SUCLG2: variants seen among roughly 807,000 people sequenced by gnomAD.
SUCLG2 encodes the protein succinate-CoA ligase GDP-forming subunit beta.
SUCLG2 carries 42 observed loss-of-function variants against 47.9 expected under a neutral mutation model. That is an observed-to-expected ratio of 0.88 (90% confidence interval 0.69 to 1.14). SUCLG2 has a LOEUF of 1.14. SUCLG2 is among the 50% of genes most tolerant of loss of function. The pLI is 0.00. For missense variants in SUCLG2, 571 were observed against 525.9 expected (o/e 1.09, Z -0.84); for synonymous variants, 195 against 197.3 (o/e 0.99, Z 0.10).
chr3:67,427,569 A>T (rs1053585871), intron 9 of SUCLG2, among the ~76,000 whole-genome samples: 6 of 152,148 alleles, frequency 3.9e-5, no homozygotes, highest in Non-Finnish European at 7.3e-5. Context: ...GAGAAGGGTG[A>T]TTTCTCCATT....
At chr3:67,459,225 G>A (rs886706735) in intron 9 of SUCLG2, among the ~76,000 whole-genome samples, 7 of 152,102 alleles carry the variant, frequency 4.6e-5, no homozygotes, top group East Asian at 1.9e-4. Context: ...CCTGCTTGAC[G>A]AAGCACATTT....
chr3:67,580,554 A>T (rs1707856178), intron 2 of SUCLG2, among the ~76,000 whole-genome samples: 2 of 152,216 alleles, frequency 1.3e-5, no homozygotes. Flanking sequence ...TCCTCGGGGC[A>T]CTGGGAGAGA....
At chr3:67,568,917 T>G (rs1030120125) in intron 2 of SUCLG2, among the ~76,000 whole-genome samples, 2 of 151,894 alleles carry the variant, frequency 1.3e-5, no homozygotes, top group Non-Finnish European at 2.9e-5. Context: ...AAATAAAGAG[T>G]GAAAGCTCTA....
chr3:67,584,943 G>A (rs1707978044), intron 2 of SUCLG2, among the ~76,000 whole-genome samples: 1 of 152,130 alleles, frequency 6.6e-6, no homozygotes, highest in South Asian at 2.1e-4. Flanking sequence ...GACACATGAG[G>A]ATTATGGGAA....
At chr3:67,639,667 G>A (rs927784021) in intron 1 of SUCLG2, among the ~76,000 whole-genome samples, 4 of 152,056 alleles carry the variant, frequency 2.6e-5, no homozygotes, top group Non-Finnish European at 5.9e-5. Context: ...AGTTTCCATA[G>A]CTGTCCTGTG....
chr3:67,384,794 T>C (rs1403547106), intron 10 of SUCLG2, among the ~76,000 whole-genome samples: 1 of 152,214 alleles, frequency 6.6e-6, no homozygotes, highest in Non-Finnish European at 1.5e-5. Flanking sequence ...ATCATAGAAC[T>C]CTTTTTCCAC....
chr3:67,514,694 T>C (rs535029779), intron 6 of SUCLG2, among the ~76,000 whole-genome samples: 2 of 152,328 alleles, frequency 1.3e-5, no homozygotes, highest in Admixed American at 6.5e-5. Context: ...GTGGTTTTAG[T>C]TACCCATGGT....
At chr3:67,395,640 G>T (rs1002670017) in intron 10 of SUCLG2, among the ~76,000 whole-genome samples, 6 of 152,118 alleles carry the variant, frequency 3.9e-5, no homozygotes, top group African/African-American at 1.4e-4. Flanking sequence ...ACGATACCCA[G>T]GAATTGAACT....
chr3:67,422,473 CAAAAAAAAAAAAAAAAAA>C (rs58345420), intron 9 of SUCLG2, among the ~76,000 whole-genome samples: 1 of 30,662 alleles, frequency 3.3e-5, no homozygotes, highest in Non-Finnish European at 5.2e-5. Context: ...GACTCCATCT[CAAAAAAAAAAAAAAAAAA>C]AAAAAAAAAA....
chr3:67,533,491 G>T (rs528596067), intron 2 of SUCLG2, among the ~76,000 whole-genome samples: 7 of 152,294 alleles, frequency 4.6e-5, no homozygotes, highest in African/African-American at 1.7e-4. Flanking sequence ...AGAGTTGATA[G>T]AATTCCTAAT....
chr3:67,389,510 T>C (rs1173465045), intron 10 of SUCLG2, among the ~76,000 whole-genome samples: 1 of 152,188 alleles, frequency 6.6e-6, no homozygotes, highest in East Asian at 1.9e-4. Context: ...TTGTCACAAA[T>C]AGTGGTTCTC....
intron 9 of SUCLG2, among the ~76,000 whole-genome samples, chr3:67,484,122 T>C (rs1041522559): frequency 2.6e-5 from 4 of 152,332 alleles, no homozygotes; most frequent in South Asian, 2.1e-4. Flanking sequence ...ACTGCCACAA[T>C]CCTTCCTGTA....
chr3:67,460,562 A>G (rs1300687495), intron 9 of SUCLG2, among the ~76,000 whole-genome samples: 1 of 152,162 alleles, frequency 6.6e-6, no homozygotes, highest in Non-Finnish European at 1.5e-5. Flanking sequence ...TCTTGATCAC[A>G]CTGGTGTTAA....
chr3:67,393,923 G>C (rs971853469), intron 10 of SUCLG2, among the ~76,000 whole-genome samples: 2 of 152,142 alleles, frequency 1.3e-5, no homozygotes, highest in Non-Finnish European at 2.9e-5. Context: ...GTCTGGAGTG[G>C]ACCTCTAGCA....
At chr3:67,519,099 C>A (rs761841617) in intron 5 of SUCLG2, among the ~76,000 whole-genome samples, 36 of 152,128 alleles carry the variant, frequency 2.4e-4, no homozygotes, top group Admixed American at 4.6e-4. Flanking sequence ...AGGCCACTGT[C>A]TCTGTGTAGT....
At position 67,436,557 on chromosome 3, in the gene SUCLG2, C is replaced by T. The variant is rs553823975; in HGVS notation, c.1063-35706G>A. Among the ~76,000 whole-genome samples the T allele has an allele frequency of 7.9e-5, 12 of 152,306 alleles. No homozygotes were observed. In the South Asian group the frequency reaches 2.5e-3, roughly 32 times the overall value. On this transcript the variant is annotated intron_variant, in intron 9 of 10. Transcript: ENST00000307227. ...AAGGATTCGGATTGGGAGGAACCAA[C>T]TAGCAGCGATGTGCTAGTCAAGTCT...
Position 67,550,107 on chromosome 3 carries a change from G to A in SUCLG2, c.227-20921C>T, listed in dbSNP as rs116240156. ...CTGCTAATCCTCTGATTGAACACCA[G>A]CCGTATTCTTCCCTGGGCCTGGGGC... On this transcript the variant is annotated intron_variant, in intron 2 of 10. Transcript: ENST00000307227. Among the ~76,000 whole-genome samples, 199 of 152,216 alleles carry A rather than the reference G, an allele frequency of 1.3e-3. 1 individual carries two copies. Among genetic ancestry groups the A allele is most frequent in the African/African-American group, 4.5e-3 (185 of 41,542 alleles).
intron 9 of SUCLG2, among the ~76,000 whole-genome samples, chr3:67,485,774 A>T (rs1454554696): frequency 6.6e-6 from 1 of 152,234 alleles, no homozygotes; most frequent in East Asian, 1.9e-4. Context: ...TAAGGAAAGC[A>T]TTCTTAACTG....
intron 1 of SUCLG2, 104 bp from the exon 2 acceptor site, chr3:67,609,700 C>A: frequency 4.6e-6 from 5 of 1,078,732 alleles, no homozygotes; most frequent in Non-Finnish European, 6.4e-6. Flanking sequence ...TGGCAATCTG[C>A]AACCCAGAGT....
Sources: allele counts gnomAD v4.1 joint callset (sites outside exome capture counted in the v4.1 genomes callset), GRCh38; gene constraint gnomAD v4.1.1; transcripts MANE v1.5; gene names NCBI Gene and HGNC (gene_info 2026-07-23, HGNC 2026-07-21).